SNAPC3: variants seen among roughly 807,000 people sequenced by gnomAD.
SNAPC3 encodes small nuclear RNA activating complex polypeptide 3.
In SNAPC3, 56 loss-of-function variants were observed where a neutral mutation model predicts 47.7. That is an observed-to-expected ratio of 1.18 (90% CI 0.95 to 1.47). The LOEUF (loss-of-function observed/expected upper bound fraction) is 1.47. Among genes scored for constraint, SNAPC3 ranks in the 40% most tolerant of loss-of-function variants. SNAPC3 has a pLI of 0.00. For synonymous variants in SNAPC3, 235 were observed against 189.9 expected, an observed-to-expected ratio of 1.24 and a Z score of -1.95; for missense variants, 665 against 511.3, an observed-to-expected ratio of 1.30 and a Z score of -2.90.
At chr9:15,442,812 A>C (rs891186614) in intron 3 of SNAPC3, among the ~76,000 whole-genome samples, 13 of 152,318 alleles carry the variant, frequency 8.5e-5, no homozygotes, top group Non-Finnish European at 1.5e-4. Context: ...TGGGAGGCCA[A>C]GGCAGGCGGC....
intron 2 of SNAPC3, among the ~76,000 whole-genome samples, chr9:15,426,901 T>C (rs58700335): frequency 0.041 from 6,247 of 152,290 alleles, 404 homozygotes; most frequent in African/African-American, 0.14. Context: ...ACATGACCAT[T>C]GTTAACCTTA....
chr9:15,443,036 C>T (rs542712012), intron 3 of SNAPC3, among the ~76,000 whole-genome samples: 14 of 152,292 alleles, frequency 9.2e-5, no homozygotes, highest in Admixed American at 1.3e-4. Context: ...TCAGGCGTGG[C>T]GGCGCGCACC....
At chr9:15,443,199 AGG>A (rs1403314486) in intron 3 of SNAPC3, among the ~76,000 whole-genome samples, 2 of 151,958 alleles carry the variant, frequency 1.3e-5, no homozygotes, top group African/African-American at 4.8e-5. Context: ...AGAGGGGGAG[AGG>A]GAGAGAGGGA....
At chr9:15,433,745 T>A in intron 3 of SNAPC3, 109 bp downstream of exon 3, 3 of 634,696 alleles carry the variant, frequency 4.7e-6, no homozygotes, top group Non-Finnish European at 5.3e-6. Flanking sequence ...TATGCTTAGT[T>A]GAAAACAAAC....
At chr9:15,465,523 GTTATC>G (rs770005753), downstream of SNAPC3, 11 of 1,557,404 alleles carry the variant, frequency 7.1e-6, no homozygotes, top group African/African-American at 2.7e-5. Context: ...TGTCAACCTA[GTTATC>G]TAGTGTAGAA....
Position 15,447,754 on chromosome 9 carries a change from G to A in SNAPC3, c.732+510G>A, listed in dbSNP as rs368687040. ...TTGTGCCCAGCAAAAGGCTGGAGTCGACCTGAGAGCCTCAAATAGTTAGCA... is the reference window on the plus strand; with the variant it reads ...TTGTGCCCAGCAAAAGGCTGGAGTCAACCTGAGAGCCTCAAATAGTTAGCA... On this transcript the variant is annotated intron_variant, in intron 5 of 8. Transcript: ENST00000380821. Among the ~76,000 whole-genome samples, 12 of 152,268 alleles carry A rather than the reference G, an allele frequency of 7.9e-5. No homozygotes were observed. The East Asian group carries it at 9.7e-4, about 12-fold the overall frequency.
In SNAPC3 at chr9:15,451,395, T is replaced by C. The variant is rs2034375139; in HGVS notation, c.808T>C (p.Leu270=). The C allele has an allele frequency of 1.3e-6, 2 of 1,516,130 alleles. No homozygotes were observed. The highest frequency in any genetic ancestry group is 9.0e-7 in the Non-Finnish European group (1 of 1,106,192). The allele number at this position is 1,516,130 out of a possible 1,614,324, so 93.9% of individuals were successfully genotyped here. The change falls in exon 6 of 9, where the codon TTG becomes CTG. Residue 270 remains leucine, a synonymous_variant. Transcript: ENST00000380821. ...NDKRYPECRD[L]SRTIIEWSES... is the part of the protein sequence containing the mutation. ...TAAAAGATACCCAGAATGCAGAGAT[T>C]TGAGCAGGTATAGTTTCCAAAAATC...
chr9:15,440,136 C>G (rs532606336), intron 3 of SNAPC3, among the ~76,000 whole-genome samples: 7 of 152,116 alleles, frequency 4.6e-5, no homozygotes, highest in South Asian at 2.1e-4. Flanking sequence ...ATTAACATAA[C>G]CTTGTAAGTA....
chr9:15,445,288 G>A (rs2033839536), intron 4 of SNAPC3, among the ~76,000 whole-genome samples: 2 of 152,200 alleles, frequency 1.3e-5, no homozygotes, highest in South Asian at 4.1e-4. Context: ...GAAAGTATAT[G>A]TAAATCCATA....
At chr9:15,450,835 C>T (rs1259835197) in intron 5 of SNAPC3, among the ~76,000 whole-genome samples, 1 of 152,170 alleles carries the variant, frequency 6.6e-6, no homozygotes, top group African/African-American at 2.4e-5. Flanking sequence ...AGGTTCCAAC[C>T]AGTTGTGGTA....
intron 3 of SNAPC3, among the ~76,000 whole-genome samples, chr9:15,435,176 C>T (rs1234102017): frequency 1.3e-5 from 2 of 152,098 alleles, no homozygotes; most frequent in Non-Finnish European, 1.5e-5. Context: ...TGATGCTGAA[C>T]ATCTTTTTAT....
chr9:15,466,599 CTT>C (rs2035643167), downstream of SNAPC3: 1 of 594,018 alleles, frequency 1.7e-6, no homozygotes, highest in Non-Finnish European at 2.8e-6. Context: ...ACTCTTCTTC[CTT>C]TTTGAATTGT....
chr9:15,428,272 T>C (rs2031705131), intron 2 of SNAPC3, among the ~76,000 whole-genome samples: 1 of 152,146 alleles, frequency 6.6e-6, no homozygotes, highest in Admixed American at 6.6e-5. Context: ...AACGAGAGCT[T>C]GTTGCAGATA....
rs576802191 is a variant in SNAPC3, at chr9:15,455,569, GA to G, written c.980+2374del. On this transcript the variant is annotated intron_variant, in intron 7 of 8. Coordinates refer to ENST00000380821, the MANE Select transcript of SNAPC3 (RefSeq NM_001039697.2). Reference sequence around the variant, plus strand: ...GTGACAGAGCAAGACTGTATCAAAAGAAAAAAAAAATTATATAAGCTGTTCT... The same window carrying G: ...GTGACAGAGCAAGACTGTATCAAAAGAAAAAAAAATTATATAAGCTGTTCT... 9.3e-3 allele frequency among the ~76,000 whole-genome samples: 1,392 copies of G among 149,068 alleles called. 14 individuals carry two copies. The highest frequency in any genetic ancestry group is 0.032 in the African/African-American group (1,310 of 40,764).
Position 15,422,879 on chromosome 9 carries a change from C to G in SNAPC3, c.-1C>G, listed in dbSNP as rs1041207319. On this transcript the variant is annotated 5_prime_UTR_variant, in exon 1 of 9. Transcript: ENST00000380821. ...TTTGCAGGGGAAGGAGTGGGGCGAA[C>G]ATGGCTGAAGGAAGCCGAGGTGGCC... 1.0e-5 allele frequency: 16 copies of G among 1,534,868 alleles called. No individual in the cohort carries two copies. Among genetic ancestry groups the G allele is most frequent in the African/African-American group, 1.4e-5 (1 of 71,136 alleles).
chr9:15,429,359 A>C (rs2131755001), intron 2 of SNAPC3, among the ~76,000 whole-genome samples: 1 of 152,350 alleles, frequency 6.6e-6, no homozygotes, highest in East Asian at 1.9e-4. Context: ...AATGAGCTTT[A>C]TCCAACCAAT....
At chr9:15,435,794 A>T (rs1295200130) in intron 3 of SNAPC3, among the ~76,000 whole-genome samples, 1 of 149,886 alleles carries the variant, frequency 6.7e-6, no homozygotes, top group Non-Finnish European at 1.5e-5. Context: ...TAAGTAATTT[A>T]AAAATATTTT....
chr9:15,455,356 CAGG>C (rs1250047098), intron 7 of SNAPC3, among the ~76,000 whole-genome samples: 17 of 152,160 alleles, frequency 1.1e-4, no homozygotes, highest in Non-Finnish European at 1.6e-4. Flanking sequence ...TACTTGCAGT[CAGG>C]AGTTCAAGAC....
intron 2 of SNAPC3, among the ~76,000 whole-genome samples, chr9:15,425,482 T>G (rs2031248223): frequency 6.6e-6 from 1 of 152,192 alleles, no homozygotes; most frequent in Non-Finnish European, 1.5e-5. Flanking sequence ...TCTCCCAAAG[T>G]GCTAGGATTA....
Sources: gnomAD v4.1 joint callset for allele counts (sites outside exome capture counted in the v4.1 genomes callset) on GRCh38, gnomAD v4.1.1 for gene constraint, MANE v1.5 for transcripts, NCBI Gene and HGNC (gene_info 2026-07-23, HGNC 2026-07-21) for gene names.